The following NBPF20 variants were observed in gnomAD, a reference collection of about 807,000 sequenced individuals.
The protein encoded by NBPF20 is NBPF member 20.
NBPF20 carries 90 observed loss-of-function variants against 68.1 expected under a neutral mutation model. The observed-to-expected ratio is 1.32, with a 90% CI of 1.11 to 1.58. NBPF20 has a LOEUF of 1.58. NBPF20 is among the 40% of genes most tolerant of loss of function. NBPF20 has a pLI of 0.00. For missense variants in NBPF20, 816 were observed against 601.2 expected (o/e 1.36, Z -3.74); for synonymous variants, 290 against 228.1 (o/e 1.27, Z -2.45).
chr1:145,394,229 T>G (rs1190932919), intron 8 of NBPF20, among the ~76,000 whole-genome samples: 2 of 151,856 alleles, frequency 1.3e-5, no homozygotes, highest in African/African-American at 4.9e-5. Context: ...TGTAGGCAAA[T>G]AGTTCTAACA....
At chr1:145,404,503 C>T (rs1418053426) in intron 2 of NBPF20, among the ~76,000 whole-genome samples, 3 of 152,118 alleles carry the variant, frequency 2.0e-5, no homozygotes, top group Non-Finnish European at 4.4e-5. Flanking sequence ...GTGCTCTGCC[C>T]GCCTCAGCCT....
chr1:145,398,171 A>G (rs1376446214), intron 7 of NBPF20, among the ~76,000 whole-genome samples: 2 of 151,968 alleles, frequency 1.3e-5, no homozygotes, highest in Non-Finnish European at 2.9e-5. Flanking sequence ...AGACAGATCA[A>G]TGAGACAGAA....
In NBPF20 at chr1:145,292,532, C is replaced by A. The variant is rs782265199; in HGVS notation, c.16589-43G>T. 3 of 681,630 alleles carry A rather than the reference C, an allele frequency of 4.4e-6. No homozygotes were observed. The South Asian group carries it at 5.0e-5, about 11-fold the overall frequency. The allele number at this position is 681,630 out of a possible 1,614,324, so 42.2% of individuals were successfully genotyped here. A position where few individuals can be genotyped will look rare whatever the true frequency, so the allele number is the denominator to read the frequency against. ...ATGGACAGACACATTAAGCTGATTC[C>A]CCTACACACATAACAATCCACTGTC... On this transcript the variant is annotated intron_variant, in intron 136 of 137. Coordinates refer to ENST00000369373, the Ensembl canonical transcript of NBPF20.
chr1:145,291,414 C>A lies in NBPF20; in HGVS notation c.*112G>T, dbSNP rs1661073187. On this transcript the variant is annotated 3_prime_UTR_variant, in exon 138 of 138. Transcript: ENST00000369373. ...GAGAATAGGAATACAGCCATGCCCA[C>A]TGACCCATCCTATGTCTGGGCTTCC... is the stretch of plus-strand genomic sequence containing the variant. The A allele has an allele frequency of 8.1e-6, 13 of 1,605,656 alleles. No homozygotes were observed. The South Asian group carries it at 1.3e-4, about 17-fold the overall frequency.
chr1:145,342,822 G>C (rs1296357239), intron 73 of NBPF20, among the ~76,000 whole-genome samples: 1 of 103,984 alleles, frequency 9.6e-6, no homozygotes, highest in African/African-American at 4.1e-5. Context: ...CAGAGAGAAC[G>C]AGCTCAGTGA....
chr1:145,403,792 C>G (rs1662637798), intron 2 of NBPF20, among the ~76,000 whole-genome samples: 1 of 151,376 alleles, frequency 6.6e-6, no homozygotes, highest in African/African-American at 2.4e-5. Context: ...ATTTTTAAAT[C>G]ATATCTTCAG....
At chr1:145,402,558 C>T (rs1403158066) in intron 3 of NBPF20, among the ~76,000 whole-genome samples, 177 bp from the exon 9 acceptor site, 3 of 151,910 alleles carry the variant, frequency 2.0e-5, no homozygotes, top group Admixed American at 6.6e-5. Flanking sequence ...TACAGGCTTC[C>T]TCTGTATCAG....
chr1:145,408,339 C>T (rs1662889427), upstream of NBPF20, among the ~76,000 whole-genome samples: 1 of 151,956 alleles, frequency 6.6e-6, no homozygotes, highest in South Asian at 2.1e-4. Context: ...TTCCCCCACC[C>T]ATACCCCTCC....
At chr1:145,400,557 C>A in exon 6 of NBPF20, 2 of 1,612,522 alleles carry the variant, frequency 1.2e-6, no homozygotes, top group East Asian at 2.2e-5. Flanking sequence ...TCCTGTGAGT[C>A]CTCAGGGACT....
chr1:145,406,865 TAAAC>T (rs1367319512), upstream of NBPF20, among the ~76,000 whole-genome samples: 7 of 123,406 alleles, frequency 5.7e-5, no homozygotes, highest in African/African-American at 2.0e-4. Context: ...TTTAAGTTGT[TAAAC>T]AACAACATAA....
the NBPF20 span, among the ~76,000 whole-genome samples, chr1:145,423,873 C>T: frequency 8.6e-5 from 13 of 151,958 alleles, no homozygotes; most frequent in Non-Finnish European, 1.9e-4. Context: ...CATTCATATA[C>T]CTCTAAAACC....
chr1:145,399,368 CA>C (rs1303215516), intron 6 of NBPF20, among the ~76,000 whole-genome samples: 2 of 151,850 alleles, frequency 1.3e-5, no homozygotes, highest in African/African-American at 4.8e-5. Flanking sequence ...ATTTTTTCCC[CA>C]AAAAAATCTC....
exon 138 of NBPF20, chr1:145,291,503 T>A (rs782364082): frequency 7.4e-6 from 12 of 1,612,002 alleles, no homozygotes; most frequent in Admixed American, 6.7e-5. Context: ...AGGAATGACA[T>A]CTCTCGGCTT....
rs1459246644 is a variant in NBPF20, at chr1:145,290,361, A to T, written c.*1165T>A. 5 of 149,616 alleles carry T rather than the reference A, an allele frequency of 3.3e-5. No individual in the cohort carries two copies. In the Middle Eastern group the frequency reaches 0.01, roughly 312 times the overall value. The allele number at this position is 149,616 out of a possible 1,614,324, so 9.3% of individuals were successfully genotyped here. On this transcript the variant is annotated 3_prime_UTR_variant, in exon 138 of 138. Coordinates refer to ENST00000369373, the Ensembl canonical transcript of NBPF20. The stretch of plus-strand genomic sequence containing the variant: ...AACCAGTCCTGATATCATAATGGTG[A>T]TGGACAAACTAGACCTTCTCTGCCC...
the NBPF20 span, among the ~76,000 whole-genome samples, chr1:145,410,856 A>C: frequency 1.5e-5 from 2 of 135,880 alleles, no homozygotes; most frequent in African/African-American, 2.8e-5. Flanking sequence ...TGGAGATAAT[A>C]ATCTTCAAAA....
At chr1:145,334,908 T>A (rs1661562771) in intron 83 of NBPF20, among the ~76,000 whole-genome samples, 1 of 130,122 alleles carries the variant, frequency 7.7e-6, no homozygotes, top group Non-Finnish European at 1.8e-5. Context: ...GATGAAGGGG[T>A]CAAAGGACAC....
rs1439940974 is a variant in NBPF20 at position 145,393,806 on chromosome 1, A to C, written c.1043+78T>G. 86 of 1,265,284 alleles carry C rather than the reference A, an allele frequency of 6.8e-5. No homozygotes were observed. In the African/African-American group the frequency reaches 9.4e-4, roughly 14 times the overall value. The allele number at this position is 1,265,284 out of a possible 1,614,324, so 78.4% of individuals were successfully genotyped here. A position where few individuals can be genotyped will look rare whatever the true frequency, so the allele number is the denominator to read the frequency against. ...CTGACAAGACAAAATCATTATTTTC[A>C]GCATGTACTGTTTTCCCTGGACTTG... On this transcript the variant is annotated intron_variant, in intron 9 of 137. Coordinates refer to ENST00000369373, the Ensembl canonical transcript of NBPF20.
At chr1:145,402,581 C>A (rs1490873817) in intron 3 of NBPF20, among the ~76,000 whole-genome samples, 200 bp from the exon 9 acceptor site, 1 of 151,916 alleles carries the variant, frequency 6.6e-6, no homozygotes, top group African/African-American at 2.4e-5. Flanking sequence ...AGGGCTCTTG[C>A]AAGATCCTCG....
the NBPF20 span, among the ~76,000 whole-genome samples, chr1:145,415,405 C>A: frequency 6.6e-6 from 1 of 151,754 alleles, no homozygotes; most frequent in African/African-American, 2.4e-5. Flanking sequence ...TTTTACTAAT[C>A]CTCCTCAGCA....
Sources: allele counts gnomAD v4.1 joint callset (sites outside exome capture counted in the v4.1 genomes callset), GRCh38; gene constraint gnomAD v4.1.1; transcripts MANE v1.5; gene names NCBI Gene and HGNC (gene_info 2026-07-23, HGNC 2026-07-21).